GPC5: variants seen among roughly 807,000 people sequenced by gnomAD.
GPC5 encodes glypican 5, also known as glypican-5.
Under a neutral mutation model 53.9 loss-of-function variants are expected in GPC5, and 47 were observed. The ratio of observed to expected loss-of-function variants is 0.87; its 90% CI spans 0.69 to 1.11. GPC5 has a LOEUF of 1.11. GPC5 is among the 50% of genes most tolerant of loss of function. The pLI is 0.00. For synonymous variants in GPC5, 286 were observed against 263.3 expected, an observed-to-expected ratio of 1.09 and a Z score of -0.84; for missense variants, 748 against 713.1, an observed-to-expected ratio of 1.05 and a Z score of -0.56.
Position 92,480,682 on chromosome 13 carries a change from A to G in GPC5, c.1561+335693A>G, listed in dbSNP as rs182333600. On this transcript the variant is annotated intron_variant, in intron 7 of 7. Coordinates refer to ENST00000377067, the MANE Select transcript of GPC5 (RefSeq NM_004466.6). ...TAAAAAACACTGTGGTAGATAGGAA[A>G]AGCCCCTCCCCAGAGATGACTCCCA... 2.7e-4 allele frequency among the ~76,000 whole-genome samples: 41 copies of G among 152,332 alleles called. 1 individual carries two copies. In the East Asian group the frequency reaches 7.1e-3, roughly 27 times the overall value.
intron 5 of GPC5, among the ~76,000 whole-genome samples, chr13:91,900,224 T>G (rs1296665790): frequency 6.6e-6 from 1 of 152,182 alleles, no homozygotes; most frequent in African/African-American, 2.4e-5. Flanking sequence ...AATGAAAAGT[T>G]GGTTAAATAA....
rs141474850 is a variant in GPC5, at chr13:91,628,819, G to T, written c.326-64368G>T. On this transcript the variant is annotated intron_variant, in intron 2 of 7. Transcript: ENST00000377067. ...TGCATATCAGTTCCATGGGGATCTT[G>T]TTCTAATGCAGATTCTGATTCAGTA... Among the ~76,000 whole-genome samples the T allele has an allele frequency of 2.2e-4, 33 of 152,250 alleles. No homozygotes were observed. The East Asian group carries it at 6.0e-3, about 28-fold the overall frequency.
chr13:91,535,415 T>G (rs1245114968), intron 2 of GPC5, among the ~76,000 whole-genome samples: 1 of 152,192 alleles, frequency 6.6e-6, no homozygotes, highest in Non-Finnish European at 1.5e-5. Context: ...AGATAAAAAT[T>G]TTCGATTGCC....
At chr13:92,497,788 C>T (rs1880032501) in intron 7 of GPC5, among the ~76,000 whole-genome samples, 1 of 151,732 alleles carries the variant, frequency 6.6e-6, no homozygotes, top group Non-Finnish European at 1.5e-5. Context: ...CCTTGTAGTT[C>T]TACCTAAAAA....
intron 5 of GPC5, among the ~76,000 whole-genome samples, chr13:91,765,577 A>C (rs1053572517): frequency 1.2e-4 from 19 of 152,244 alleles, no homozygotes; most frequent in African/African-American, 4.6e-4. Context: ...TGGAACGCAA[A>C]GTTATATGAG....
chr13:91,562,475 T>A (rs191476327), intron 2 of GPC5, among the ~76,000 whole-genome samples: 1 of 152,052 alleles, frequency 6.6e-6, no homozygotes, highest in Admixed American at 6.6e-5. Context: ...TTTTTCTTTC[T>A]TTTTTTGAGA....
At chr13:92,023,880 A>C (rs940650666) in intron 6 of GPC5, among the ~76,000 whole-genome samples, 2 of 152,156 alleles carry the variant, frequency 1.3e-5, no homozygotes, top group African/African-American at 4.8e-5. Context: ...CAATAAGTAG[A>C]ATCAAGTCAC....
At chr13:91,830,975 T>C (rs1406345868) in intron 5 of GPC5, among the ~76,000 whole-genome samples, 1 of 136,676 alleles carries the variant, frequency 7.3e-6, no homozygotes, top group Non-Finnish European at 1.5e-5. Flanking sequence ...TTATATATTA[T>C]ATATCCTATT....
In GPC5 at chr13:92,537,893, A is replaced by T. The variant is rs530238868; in HGVS notation, c.1562-328389A>T. 2.6e-5 allele frequency among the ~76,000 whole-genome samples: 4 copies of T among 152,108 alleles called. No homozygotes were observed. The South Asian group carries it at 8.3e-4, about 32-fold the overall frequency. ...TAGCATCACTGTCTCAGTCTTTTTAATTTTTTTCTTAATGTGTCTCCTATT... is the reference window on the plus strand; with the variant it reads ...TAGCATCACTGTCTCAGTCTTTTTATTTTTTTTCTTAATGTGTCTCCTATT... On this transcript the variant is annotated intron_variant, in intron 7 of 7. Coordinates refer to ENST00000377067, the MANE Select transcript of GPC5 (RefSeq NM_004466.6).
intron 2 of GPC5, among the ~76,000 whole-genome samples, chr13:91,505,866 A>G (rs1260046104): frequency 6.6e-6 from 1 of 152,168 alleles, no homozygotes; most frequent in Non-Finnish European, 1.5e-5. Flanking sequence ...AGATACTCTT[A>G]TCTTCTCAAA....
rs575759042 is a variant in GPC5, at chr13:91,433,784, C to T, written c.164-14977C>T. ...CCCTGAGGAATTGCCACACTGACTT[C>T]CACGATGGTTGAACTAGTTTATAGT... On this transcript the variant is annotated intron_variant, in intron 1 of 7. Transcript: ENST00000377067. Among the ~76,000 whole-genome samples the T allele has an allele frequency of 2.6e-5, 4 of 152,272 alleles. No individual in the cohort carries two copies. The East Asian group carries it at 7.7e-4, about 29-fold the overall frequency.
chr13:92,127,561 T>G (rs2041709346), intron 6 of GPC5, among the ~76,000 whole-genome samples: 1 of 152,086 alleles, frequency 6.6e-6, no homozygotes, highest in South Asian at 2.1e-4. Flanking sequence ...CGATTAAATA[T>G]TAATATTCCT....
chr13:92,372,723 G>A (rs1024713009), intron 7 of GPC5, among the ~76,000 whole-genome samples: 5 of 152,048 alleles, frequency 3.3e-5, no homozygotes, highest in Non-Finnish European at 1.5e-5. Flanking sequence ...GAGGCCAATT[G>A]TATTGGGAGA....
chr13:92,133,410 C>T (rs2041760487), intron 6 of GPC5, among the ~76,000 whole-genome samples: 1 of 152,140 alleles, frequency 6.6e-6, no homozygotes, highest in African/African-American at 2.4e-5. Context: ...GGGGAAACTT[C>T]CCTTTTTAAT....
chr13:91,431,098 C>T (rs774148079), intron 1 of GPC5, among the ~76,000 whole-genome samples: 1 of 152,076 alleles, frequency 6.6e-6, no homozygotes, highest in African/African-American at 2.4e-5. Flanking sequence ...AGGTTGGTCT[C>T]AAACTCCTGG....
intron 7 of GPC5, among the ~76,000 whole-genome samples, chr13:92,644,019 C>T (rs1324443329): frequency 1.3e-5 from 2 of 152,102 alleles, no homozygotes; most frequent in Non-Finnish European, 2.9e-5. Flanking sequence ...AATTTTGAAA[C>T]TAAGTTAAAT....
intron 5 of GPC5, among the ~76,000 whole-genome samples, chr13:91,884,720 A>T (rs1037115676): frequency 2.0e-5 from 3 of 152,236 alleles, no homozygotes; most frequent in African/African-American, 7.2e-5. Flanking sequence ...CACAAGAGGA[A>T]ATAAGTGCGG....
chr13:91,729,404 C>T (rs1245028638), intron 4 of GPC5, among the ~76,000 whole-genome samples: 1 of 152,012 alleles, frequency 6.6e-6, no homozygotes, highest in Non-Finnish European at 1.5e-5. Flanking sequence ...CTGGCAAACA[C>T]TAGATTCTAA....
chr13:92,702,712 C>A (rs1277587334), intron 7 of GPC5, among the ~76,000 whole-genome samples: 1 of 152,240 alleles, frequency 6.6e-6, no homozygotes, highest in South Asian at 2.1e-4. Context: ...CACAACAGGG[C>A]AGCCACAGTT....
Sources: allele counts gnomAD v4.1 joint callset (sites outside exome capture counted in the v4.1 genomes callset), GRCh38; gene constraint gnomAD v4.1.1; transcripts MANE v1.5; gene names NCBI Gene and HGNC (gene_info 2026-07-23, HGNC 2026-07-21).